Variants in IKZF3 observed in about 807,000 individuals in gnomAD.
The protein encoded by IKZF3 is zinc finger protein Aiolos.
A neutral mutation model predicts 49.0 loss-of-function variants in IKZF3; 10 were observed. The ratio of observed to expected loss-of-function variants is 0.20; its 90% CI spans 0.13 to 0.35. The LOEUF (loss-of-function observed/expected upper bound fraction) is 0.35. IKZF3 is among the 10% of genes least tolerant of loss of function. The pLI is 1.00. For missense variants in IKZF3, 498 were observed against 664.8 expected, an observed-to-expected ratio of 0.75 and a Z score of 2.76; for synonymous variants, 209 against 228.2, an observed-to-expected ratio of 0.92 and a Z score of 0.76.
chr17:39,788,482 G>A, intron 5 of IKZF3, 108 bp from the exon 6 acceptor site: 2 of 702,986 alleles, frequency 2.8e-6, no homozygotes, highest in South Asian at 3.3e-5. Flanking sequence ...GCTGAGTGAA[G>A]CCAGAGTATT....
At position 39,788,202 on chromosome 17, in the gene IKZF3, G is replaced by C. The variant is rs1248703899; in HGVS notation, c.709+56C>G. On this transcript the variant is annotated intron_variant, in intron 6 of 7. Transcript: ENST00000346872. ...TCCACGAGTCTTTTTACTTACTATT[G>C]TATCTCACCACCTAGGACAGCAGAT... 3 of 1,030,892 alleles carry C rather than the reference G, an allele frequency of 2.9e-6. No individual in the cohort carries two copies. The Admixed American group carries it at 5.6e-5, about 19-fold the overall frequency. The allele number at this position is 1,030,892 out of a possible 1,614,324, so 63.9% of individuals were successfully genotyped here.
At chr17:39,835,419 A>G in intron 1 of IKZF3, 1 of 471,166 alleles carries the variant, frequency 2.1e-6, no homozygotes, top group Non-Finnish European at 4.2e-6. Flanking sequence ...CCTCCAGGGA[A>G]GCCCTCTGGC....
At chr17:39,811,314 A>G (rs1346073899) in intron 3 of IKZF3, among the ~76,000 whole-genome samples, 2 of 140,120 alleles carry the variant, frequency 1.4e-5, no homozygotes, top group South Asian at 2.1e-4. Flanking sequence ...AGAGAAAGAG[A>G]GAAGGAAAGA....
At chr17:39,838,192 T>C (rs969101590) in intron 1 of IKZF3, among the ~76,000 whole-genome samples, 1 of 152,222 alleles carries the variant, frequency 6.6e-6, no homozygotes, top group African/African-American at 2.4e-5. Flanking sequence ...TTTCTTCAAA[T>C]ATTTTTTCTG....
At chr17:39,802,823 CAA>C (rs558413530) in intron 3 of IKZF3, among the ~76,000 whole-genome samples, 24 of 50,256 alleles carry the variant, frequency 4.8e-4, no homozygotes, top group Admixed American at 6.9e-4. Context: ...AGACCTGTCT[CAA>C]AAAAAAAAAA....
In IKZF3 at chr17:39,757,729, C is replaced by T. The variant is rs1597915391; in HGVS notation, c.*8061G>A. 1 of 152,136 alleles carries T rather than the reference C, an allele frequency of 6.6e-6. No homozygotes were observed. Among genetic ancestry groups the T allele is most frequent in the Admixed American group, 6.5e-5 (1 of 15,278 alleles). 9.4% of individuals were successfully genotyped at this position (152,136 alleles called of 1,614,324 possible). ...TGCACAAGGACTAATTTCAAACATA[C>T]CAGGATTTTTTTATTTTTCAGTGTA... On this transcript the variant is annotated 3_prime_UTR_variant, in exon 8 of 8. Coordinates refer to ENST00000346872, the MANE Select transcript of IKZF3 (RefSeq NM_012481.5).
intron 3 of IKZF3, among the ~76,000 whole-genome samples, chr17:39,812,607 A>G (rs1598086515): frequency 6.6e-6 from 1 of 152,200 alleles, no homozygotes. Flanking sequence ...TCAGCAGGGT[A>G]CCTTCCTCTA....
intron 1 of IKZF3, among the ~76,000 whole-genome samples, chr17:39,857,043 T>C (rs1272884535): frequency 2.0e-5 from 3 of 152,142 alleles, no homozygotes; most frequent in Non-Finnish European, 2.9e-5. Flanking sequence ...TGAAGCACCT[T>C]TGTGGAACTG....
At chr17:39,835,782 T>C (rs2062259756) in intron 1 of IKZF3, 2 of 512,192 alleles carry the variant, frequency 3.9e-6, no homozygotes, top group East Asian at 4.8e-5. Context: ...TCCATCCAGC[T>C]CCACCCTATT....
Position 39,762,673 on chromosome 17 carries a change from G to C in IKZF3, c.*3117C>G, listed in dbSNP as rs1307122470. The C allele has an allele frequency of 6.6e-6, 1 of 152,324 alleles. No homozygotes were observed. The highest frequency in any genetic ancestry group is 1.5e-5 in the Non-Finnish European group (1 of 68,136). 9.4% of individuals were successfully genotyped at this position (152,324 alleles called of 1,614,324 possible). Reference sequence around the variant, plus strand: ...AGGCCAAGGCGGGCAGATCACCTGAGGTCAGGAGTTTGAGACTGGCCTGGC... The same window carrying C: ...AGGCCAAGGCGGGCAGATCACCTGACGTCAGGAGTTTGAGACTGGCCTGGC... On this transcript the variant is annotated 3_prime_UTR_variant, in exon 8 of 8. Coordinates refer to ENST00000346872, the MANE Select transcript of IKZF3 (RefSeq NM_012481.5).
At chr17:39,814,084 C>A (rs1275732734) in intron 3 of IKZF3, among the ~76,000 whole-genome samples, 1 of 152,148 alleles carries the variant, frequency 6.6e-6, no homozygotes, top group Non-Finnish European at 1.5e-5. Flanking sequence ...CTTCTAAGCA[C>A]CAAAGAGTTG....
chr17:39,844,283 T>C (rs910628740), intron 1 of IKZF3, among the ~76,000 whole-genome samples: 4 of 152,162 alleles, frequency 2.6e-5, no homozygotes, highest in Non-Finnish European at 5.9e-5. Context: ...CTGGGGCAAA[T>C]GATGGAAGAA....
At chr17:39,818,452 T>C (rs998073964) in intron 3 of IKZF3, among the ~76,000 whole-genome samples, 2 of 152,234 alleles carry the variant, frequency 1.3e-5, no homozygotes, top group African/African-American at 4.8e-5. Context: ...TATTTTGGGA[T>C]CATGGTTGAC....
intron 6 of IKZF3, 172 bp from the exon 7 acceptor site, chr17:39,777,939 G>A (rs780937702): frequency 9.0e-6 from 12 of 1,327,698 alleles, no homozygotes; most frequent in Non-Finnish European, 1.2e-5. Flanking sequence ...CAGTGAAGCC[G>A]ACACCAGGGC....
chr17:39,795,404 T>A (rs1353307020), intron 3 of IKZF3, among the ~76,000 whole-genome samples: 1 of 152,108 alleles, frequency 6.6e-6, no homozygotes, highest in Non-Finnish European at 1.5e-5. Context: ...AACTTATTTT[T>A]ATTTTATTCT....
intron 3 of IKZF3, among the ~76,000 whole-genome samples, chr17:39,817,501 T>C (rs185454011): frequency 3.3e-4 from 50 of 152,212 alleles, no homozygotes; most frequent in African/African-American, 1.2e-3. Context: ...TTCATAGGTG[T>C]AATCATGATG....
chr17:39,791,055 GAA>G (rs1380862248), intron 5 of IKZF3, among the ~76,000 whole-genome samples: 1 of 152,150 alleles, frequency 6.6e-6, no homozygotes, highest in East Asian at 1.9e-4. Flanking sequence ...CTTTTGAATG[GAA>G]AGAGTGTGTG....
chr17:39,777,736 C>A lies in IKZF3; in HGVS notation c.741G>T (p.Glu247Asp). The stretch of plus-strand genomic sequence containing the variant: ...GTACGAGAGCTCTTTCACTTCCCAT[C>A]TCTGCTTTGATGTGTCTTGCCTCCG... ...ASAEARHIKA[E>D]MGSERALVLD... Residue 247 changes from glutamate (E) to aspartate (D), a missense_variant, in exon 7 of 8, where the codon GAG (glutamate) becomes GAT (aspartate). Glu to Asp is a conservative substitution (Grantham distance 45, BLOSUM62 2). Transcript: ENST00000346872. The A allele has an allele frequency of 6.2e-7, 1 of 1,613,940 alleles. No homozygotes were observed. Among genetic ancestry groups the A allele is most frequent in the African/African-American group, 1.3e-5 (1 of 75,012 alleles).
chr17:39,861,730 C>A lies in IKZF3; in HGVS notation c.7+2390G>T, dbSNP rs111232782. On this transcript the variant is annotated intron_variant, in intron 1 of 7. Transcript: ENST00000346872. ...ATATAAGCTGACATCAAGAAGGAGA[C>A]AAAAATTGTACAATATCCTAGGTAT... 4.9e-3 allele frequency among the ~76,000 whole-genome samples: 743 copies of A among 152,056 alleles called. 2 individuals carry two copies. The highest frequency in any genetic ancestry group is 7.7e-3 in the Non-Finnish European group (524 of 67,988).
Sources: allele counts gnomAD v4.1 joint callset (sites outside exome capture counted in the v4.1 genomes callset), GRCh38; gene constraint gnomAD v4.1.1; transcripts MANE v1.5; gene names NCBI Gene and HGNC (gene_info 2026-07-23, HGNC 2026-07-21).